The following TTLL6 variants were observed in gnomAD, a reference collection of about 807,000 sequenced individuals.
The protein encoded by TTLL6 is tubulin tyrosine ligase like 6.
Under a neutral mutation model 96.4 loss-of-function variants are expected in TTLL6, and 75 were observed. That is an observed-to-expected ratio of 0.78 (90% CI 0.65 to 0.94). The LOEUF (loss-of-function observed/expected upper bound fraction) is 0.94, where lower values mean the gene tolerates loss of function less well. Among genes scored for constraint, TTLL6 ranks in the 40% least tolerant of loss-of-function variants. TTLL6 has a pLI of 0.00. For missense variants in TTLL6, 1,030 were observed against 1,093.0 expected (o/e 0.94, Z 0.81); for synonymous variants, 411 against 419.4 (o/e 0.98, Z 0.24).
intron 13 of TTLL6, among the ~76,000 whole-genome samples, chr17:48,773,618 A>T (rs915643861): frequency 6.6e-6 from 1 of 151,644 alleles, no homozygotes; most frequent in Non-Finnish European, 1.5e-5. Context: ...CTACTCAGGA[A>T]GCTGAGGTGG....
At chr17:48,801,192 G>A in intron 5 of TTLL6, 63 bp downstream of exon 5, 1 of 1,478,052 alleles carries the variant, frequency 6.8e-7, no homozygotes, top group East Asian at 2.5e-5. Context: ...GGGAATCGGG[G>A]GCAAGAGGAA....
At chr17:48,763,508 A>C (rs2038529409) in intron 15 of TTLL6, among the ~76,000 whole-genome samples, 1 of 152,172 alleles carries the variant, frequency 6.6e-6, no homozygotes. Flanking sequence ...AAAATCCTAC[A>C]AAATGAGGCC....
At chr17:48,794,365 C>T in intron 8 of TTLL6, 1 of 1,529,326 alleles carries the variant, frequency 6.5e-7, no homozygotes, top group Non-Finnish European at 8.8e-7. Context: ...TCTGTGTTGC[C>T]ATCACAAGTC....
intron 3 of TTLL6, 36 bp downstream of exon 3, chr17:48,803,855 G>A: frequency 6.4e-7 from 1 of 1,550,404 alleles, no homozygotes; most frequent in Non-Finnish European, 8.7e-7. Context: ...AATCCAGTGG[G>A]TCCCCATTAT....
intron 13 of TTLL6, among the ~76,000 whole-genome samples, chr17:48,774,033 G>A (rs191937434): frequency 6.8e-4 from 89 of 131,422 alleles, no homozygotes; most frequent in African/African-American, 2.5e-3. Flanking sequence ...AGTGAGATGA[G>A]ATCGTGCCAT....
intron 13 of TTLL6, among the ~76,000 whole-genome samples, chr17:48,777,617 G>C (rs2038900312): frequency 6.6e-6 from 1 of 152,108 alleles, no homozygotes; most frequent in South Asian, 2.1e-4. Context: ...TGTAATCCCA[G>C]CTACTCAGGA....
chr17:48,808,190 G>GTATGTAAC (rs1224534567), intron 1 of TTLL6, among the ~76,000 whole-genome samples: 1 of 152,180 alleles, frequency 6.6e-6, no homozygotes, highest in African/African-American at 2.4e-5. Flanking sequence ...GCACCTGAGT[G>GTATGTAAC]TATGTAACCA....
chr17:48,769,155 C>T lies in TTLL6; in HGVS notation c.2510G>A (p.Ser837Asn). Reference sequence around the variant, plus strand: ...CAGGTCCCTCAGAGTAACATTATAGCTCTGAGGACTCTGCAAGAGGAGGGA... The same window carrying T: ...CAGGTCCCTCAGAGTAACATTATAGTTCTGAGGACTCTGCAAGAGGAGGGA... ...VSSLLLQSPQ[S>N]YNVTLRDLLV... The change falls in exon 15 of 16, where the codon AGC (serine) becomes AAC (asparagine). Residue 837 changes from serine to asparagine, a missense_variant. Ser to Asn is a conservative substitution (Grantham distance 46). Transcript: ENST00000393382. 4 of 1,614,206 alleles carry T rather than the reference C, an allele frequency of 2.5e-6. No individual in the cohort carries two copies. The highest frequency in any genetic ancestry group is 3.4e-6 in the Non-Finnish European group (4 of 1,180,034).
chr17:48,794,238 C>T, intron 8 of TTLL6: 1 of 1,614,114 alleles, frequency 6.2e-7, no homozygotes, highest in Non-Finnish European at 8.5e-7. Flanking sequence ...CCCTCCATCA[C>T]AGCCGAGGGC....
intron 13 of TTLL6, among the ~76,000 whole-genome samples, chr17:48,777,009 T>C (rs2038885327): frequency 1.3e-5 from 1 of 78,284 alleles, no homozygotes; most frequent in African/African-American, 4.9e-5. Context: ...GGCATAAGGA[T>C]AGACACACAC....
intron 15 of TTLL6, among the ~76,000 whole-genome samples, chr17:48,766,597 C>A (rs2038611764): frequency 6.6e-6 from 1 of 152,116 alleles, no homozygotes; most frequent in African/African-American, 2.4e-5. Context: ...GGTGTGGTGG[C>A]TCATATCTGT....
chr17:48,791,357 C>G lies in TTLL6; in HGVS notation c.1224+21G>C, dbSNP rs375067712. ...CCCAATAACAGGAGTTCGTTTTCGCCCCTCGCCCAAACTTCCCTACCTCCA... is the reference window on the plus strand; with the variant it reads ...CCCAATAACAGGAGTTCGTTTTCGCGCCTCGCCCAAACTTCCCTACCTCCA... On this transcript the variant is annotated intron_variant, in intron 9 of 15. Transcript: ENST00000393382. The G allele has an allele frequency of 2.5e-6, 4 of 1,608,288 alleles. No individual in the cohort carries two copies. In the African/African-American group the frequency reaches 4.0e-5, roughly 16 times the overall value.
intron 8 of TTLL6, chr17:48,794,091 G>T: frequency 6.6e-7 from 1 of 1,521,506 alleles, no homozygotes. Flanking sequence ...GCACACGGCT[G>T]CTCCAGGAGA....
At chr17:48,798,986 C>A (rs893082801) in intron 6 of TTLL6, among the ~76,000 whole-genome samples, 2 of 152,006 alleles carry the variant, frequency 1.3e-5, no homozygotes, top group African/African-American at 4.8e-5. Context: ...TGTGCCACCA[C>A]GCCTGGCTAA....
chr17:48,800,662 A>G (rs2039393261), intron 5 of TTLL6, among the ~76,000 whole-genome samples: 1 of 152,084 alleles, frequency 6.6e-6, no homozygotes, highest in Admixed American at 6.6e-5. Flanking sequence ...TCTGATGGTG[A>G]CAGTGTTCTA....
At chr17:48,787,546 A>G (rs2039126025) in intron 11 of TTLL6, among the ~76,000 whole-genome samples, 1 of 152,104 alleles carries the variant, frequency 6.6e-6, no homozygotes, top group Admixed American at 6.6e-5. Context: ...ACATGCAACC[A>G]TGCCCAGCTA....
chr17:48,786,248 G>T lies in TTLL6; in HGVS notation c.1677C>A (p.Gly559=). 2.5e-6 allele frequency: 4 copies of T among 1,614,140 alleles called. No homozygotes were observed. Among genetic ancestry groups the T allele is most frequent in the Non-Finnish European group, 3.4e-6 (4 of 1,180,022 alleles). The change falls in exon 12 of 16, where the codon GGC becomes GGA. Residue 559 remains glycine, a synonymous_variant. Transcript: ENST00000393382. The part of the protein sequence containing the change: ...KKVEMQGESA[G]EQVRKKGMRG... Reference sequence around the variant, plus strand: ...TCATGCCCTTCTTTCTCACTTGCTCGCCTGCCGATTCCCCCTGCATCTCTA... The same window carrying T: ...TCATGCCCTTCTTTCTCACTTGCTCTCCTGCCGATTCCCCCTGCATCTCTA...
intron 9 of TTLL6, 37 bp downstream of exon 9, chr17:48,791,341 A>T (rs1443090894): frequency 6.3e-7 from 1 of 1,575,212 alleles, no homozygotes; most frequent in Admixed American, 1.7e-5. Context: ...CCCCAATAAC[A>T]GGAGTTCGTT....
chr17:48,794,704 T>C (rs1176317879), intron 8 of TTLL6, among the ~76,000 whole-genome samples: 1 of 152,190 alleles, frequency 6.6e-6, no homozygotes, highest in African/African-American at 2.4e-5. Context: ...TTAAGCAGCC[T>C]TAACTTAGCG....
Sources: allele counts gnomAD v4.1 joint callset (sites outside exome capture counted in the v4.1 genomes callset), GRCh38; gene constraint gnomAD v4.1.1; transcripts MANE v1.5; gene names NCBI Gene and HGNC (gene_info 2026-07-23, HGNC 2026-07-21).